The following PHLPP2 variants were observed in gnomAD, a reference collection of about 807,000 sequenced individuals.
PHLPP2 encodes PH domain and leucine rich repeat protein phosphatase 2, also known as PH domain leucine-rich repeat-containing protein phosphatase 2.
A neutral mutation model predicts 124.9 loss-of-function variants in PHLPP2; 66 were observed. That is an observed-to-expected ratio of 0.53 (90% CI 0.43 to 0.65). The LOEUF (loss-of-function observed/expected upper bound fraction) is 0.65. Among genes scored for constraint, PHLPP2 ranks in the 30% least tolerant of loss-of-function variants. The probability of loss-of-function intolerance (pLI) is 0.00; values close to 1 mark genes in which losing one functional copy is unlikely to be tolerated. For synonymous variants in PHLPP2, 681 were observed against 624.7 expected, an observed-to-expected ratio of 1.09 and a Z score of -1.34; for missense variants, 1,685 against 1,600.4, an observed-to-expected ratio of 1.05 and a Z score of -0.90.
rs528546093 is a variant in PHLPP2 at position 71,683,359 on chromosome 16, T to C, written c.735+1117A>G. Among the ~76,000 whole-genome samples the C allele has an allele frequency of 5.9e-5, 9 of 152,308 alleles. No homozygotes were observed. The East Asian group carries it at 1.5e-3, about 26-fold the overall frequency. On this transcript the variant is annotated intron_variant, in intron 5 of 18. Transcript: ENST00000568954. ...TGAAAGACTAATTATCCTTGGCATA[T>C]AGGAATAATGGTTTGTGGCAGCATT...
intron 3 of PHLPP2, among the ~76,000 whole-genome samples, chr16:71,698,972 C>T (rs1434350752): frequency 6.6e-6 from 1 of 152,148 alleles, no homozygotes; most frequent in African/African-American, 2.4e-5. Context: ...GCTTTATTAA[C>T]ACTATATTCC....
chr16:71,679,523 C>T lies in PHLPP2; in HGVS notation c.903G>A (p.Leu301=). The change falls in exon 7 of 19, where the codon CTG becomes CTA. Residue 301 remains leucine (L), a synonymous_variant. Coordinates refer to ENST00000568954, the MANE Select transcript of PHLPP2 (RefSeq NM_015020.3). ...TATTATGGGACAAGTTCAGGCCCTT[C>T]AGTTGAGAAAATCTAAAGAGCAAAG... The part of the protein sequence containing the change: ...GLDTLYKFSQ[L]KGLNLSHNKL... 1.2e-6 allele frequency: 2 copies of T among 1,613,844 alleles called. No homozygotes were observed. Among genetic ancestry groups the T allele is most frequent in the Non-Finnish European group, 8.5e-7 (1 of 1,179,918 alleles).
rs193107988 is a variant in PHLPP2, at chr16:71,646,317, G to T, written c.*2573C>A. On this transcript the variant is annotated 3_prime_UTR_variant, in exon 19 of 19. Coordinates refer to ENST00000568954, the MANE Select transcript of PHLPP2 (RefSeq NM_015020.3). Reference sequence around the variant, plus strand: ...ATGAATTAAAGCAGACTGCAAAAAAGAATAATCAGTTTTGGTATCGCCTAT... The same window carrying T: ...ATGAATTAAAGCAGACTGCAAAAAATAATAATCAGTTTTGGTATCGCCTAT... 11 of 152,268 alleles carry T rather than the reference G, an allele frequency of 7.2e-5. No individual in the cohort carries two copies. The highest frequency in any genetic ancestry group is 2.6e-4 in the Admixed American group (4 of 15,280). The allele number at this position is 152,268 out of a possible 1,614,324, so 9.4% of individuals were successfully genotyped here. A position where few individuals can be genotyped will look rare whatever the true frequency, so the allele number is the denominator to read the frequency against.
intron 3 of PHLPP2, among the ~76,000 whole-genome samples, chr16:71,696,949 C>T (rs538342690): frequency 6.6e-6 from 1 of 151,884 alleles, no homozygotes; most frequent in Non-Finnish European, 1.5e-5. Flanking sequence ...CCGAGGTAGG[C>T]GGATGACTTG....
At chr16:71,679,296 A>G in intron 7 of PHLPP2, 93 bp downstream of exon 7, 2 of 1,114,462 alleles carry the variant, frequency 1.8e-6, no homozygotes, top group African/African-American at 1.5e-5. Flanking sequence ...GATATAGTTC[A>G]CTGCAAGAGT....
At chr16:71,708,657 G>C (rs897348104) in intron 2 of PHLPP2, among the ~76,000 whole-genome samples, 1 of 152,150 alleles carries the variant, frequency 6.6e-6, no homozygotes. Flanking sequence ...CTGGTGTTGC[G>C]CGCCTGTAGT....
At chr16:71,691,317 C>T (rs910131153) in intron 3 of PHLPP2, among the ~76,000 whole-genome samples, 6 of 151,960 alleles carry the variant, frequency 3.9e-5, no homozygotes, top group African/African-American at 1.4e-4. Flanking sequence ...AAAAATTAGC[C>T]GGGCATGGTG....
intron 1 of PHLPP2, among the ~76,000 whole-genome samples, chr16:71,721,620 T>G (rs1343798348): frequency 6.6e-6 from 1 of 152,028 alleles, no homozygotes; most frequent in African/African-American, 2.4e-5. Context: ...TTAAATTTTT[T>G]TTGGCATTAA....
rs531280199 is a variant in PHLPP2 at position 71,694,092 on chromosome 16, G to A, written c.419-3383C>T. 1.3e-4 allele frequency among the ~76,000 whole-genome samples: 20 copies of A among 152,282 alleles called. 2 individuals are homozygous for A. The South Asian group carries it at 4.1e-3, about 32-fold the overall frequency. On this transcript the variant is annotated intron_variant, in intron 3 of 18. Transcript: ENST00000568954. ...ACCTGTAATCTCAGCTACTCGGGAGGCTGAGGCAGGAGAATCGATTGCACC... is the reference window on the plus strand; with the variant it reads ...ACCTGTAATCTCAGCTACTCGGGAGACTGAGGCAGGAGAATCGATTGCACC...
At chr16:71,709,989 GCA>G (rs1349971093) in intron 2 of PHLPP2, among the ~76,000 whole-genome samples, 2 of 152,070 alleles carry the variant, frequency 1.3e-5, no homozygotes. Context: ...CCACAGGTGT[GCA>G]CCACCATGCC....
intron 2 of PHLPP2, among the ~76,000 whole-genome samples, chr16:71,703,726 C>T (rs2145370412): frequency 1.3e-5 from 2 of 152,266 alleles, no homozygotes; most frequent in Non-Finnish European, 2.9e-5. Context: ...TTTAAATCCT[C>T]ATCAGTATCA....
intron 2 of PHLPP2, among the ~76,000 whole-genome samples, chr16:71,703,261 T>C (rs72801717): frequency 0.11 from 16,846 of 152,210 alleles, 1,355 homozygotes; most frequent in South Asian, 0.38. Context: ...AGGACCCCTT[T>C]ATACTTTGGG....
At position 71,690,688 on chromosome 16, in the gene PHLPP2, C is replaced by T. The variant is rs576347025; in HGVS notation, c.440G>A (p.Arg147His). ...FYGEKPCHMD[R>H]LDRILLSGIY... ...GCCAGACAATAGGATTCGATCCAAA[C>T]GATCCATGTGGCATGGTTTTTCTGA... The change falls in exon 4 of 19, where the codon CGT becomes CAT. Residue 147 changes from arginine to histidine, a missense_variant. By Grantham distance (29) the Arg-to-His change is conservative (BLOSUM62 0). Coordinates refer to ENST00000568954, the MANE Select transcript of PHLPP2 (RefSeq NM_015020.3). 64 of 1,612,302 alleles carry T rather than the reference C, an allele frequency of 4.0e-5. 1 individual carries two copies. Among genetic ancestry groups the T allele is most frequent in the African/African-American group, 3.7e-4 (28 of 74,964 alleles).
chr16:71,655,995 C>T lies in PHLPP2; in HGVS notation c.2391-561G>A, dbSNP rs991322445. Among the ~76,000 whole-genome samples, 55 of 152,154 alleles carry T rather than the reference C, an allele frequency of 3.6e-4. 1 individual carries two copies. Among genetic ancestry groups the T allele is most frequent in the African/African-American group, 1.2e-3 (51 of 41,434 alleles). ...TGCCAAAGGCTGGTAAGATAAAGCA[C>T]TTTCTCTTAGTAGTGACTAAGGATT... is the stretch of plus-strand genomic sequence containing the variant. On this transcript the variant is annotated intron_variant, in intron 16 of 18. Coordinates refer to ENST00000568954, the MANE Select transcript of PHLPP2 (RefSeq NM_015020.3).
chr16:71,649,126 C>A lies in PHLPP2; in HGVS notation c.3736G>T (p.Val1246Leu). ...AGGTTCAGGCTGTCCTCTAGGGGCA[C>A]AATAGAGCCATTGGAGAGTTTCTTC... ...YGKKLSNGSI[V>L]PLEDSLNLIE... is the part of the protein sequence containing the mutation. Residue 1246 changes from valine (V) to leucine (L), a missense_variant, in exon 19 of 19, where the codon GTG (valine) becomes TTG (leucine). Physicochemically the swap from Val to Leu is conservative, Grantham distance 32 (BLOSUM62 1). Coordinates refer to ENST00000568954, the MANE Select transcript of PHLPP2 (RefSeq NM_015020.3). The A allele has an allele frequency of 1.2e-6, 2 of 1,614,082 alleles. No individual in the cohort carries two copies. The highest frequency in any genetic ancestry group is 1.7e-6 in the Non-Finnish European group (2 of 1,179,964).
intron 2 of PHLPP2, among the ~76,000 whole-genome samples, chr16:71,704,045 G>T (rs140242720): frequency 2.0e-5 from 3 of 152,088 alleles, no homozygotes; most frequent in Non-Finnish European, 4.4e-5. Flanking sequence ...AAGAATAGCC[G>T]GGCGCAGTGG....
intron 2 of PHLPP2, among the ~76,000 whole-genome samples, chr16:71,707,055 C>T (rs1175956319): frequency 2.7e-5 from 4 of 149,350 alleles, no homozygotes; most frequent in Admixed American, 6.7e-5. Flanking sequence ...CTGGGGTTCA[C>T]GCCATTCTCC....
chr16:71,663,546 G>A (rs560253185), intron 13 of PHLPP2, among the ~76,000 whole-genome samples: 1 of 152,240 alleles, frequency 6.6e-6, no homozygotes, highest in Admixed American at 6.5e-5. Flanking sequence ...TTCCATTTTT[G>A]TATTATGAAT....
rs1263232802 is a variant in PHLPP2, at chr16:71,645,856, T to C, written c.*3034A>G. 2.6e-5 allele frequency: 4 copies of C among 152,538 alleles called. No individual in the cohort carries two copies. The highest frequency in any genetic ancestry group is 6.5e-5 in the Admixed American group (1 of 15,288). 9.4% of individuals were successfully genotyped at this position (152,538 alleles called of 1,614,324 possible). ...ACTGCAGCTTTATGTCATACCAACA[T>C]TCAAATATTCAAATATCCTTCCAAT... is the stretch of plus-strand genomic sequence containing the variant. On this transcript the variant is annotated 3_prime_UTR_variant, in exon 19 of 19. Transcript: ENST00000568954.
Sources: gnomAD v4.1 joint callset for allele counts (sites outside exome capture counted in the v4.1 genomes callset) on GRCh38, gnomAD v4.1.1 for gene constraint, MANE v1.5 for transcripts, NCBI Gene and HGNC (gene_info 2026-07-23, HGNC 2026-07-21) for gene names.